GRID2: variants seen among roughly 807,000 people sequenced by gnomAD.
GRID2 encodes the protein glutamate ionotropic receptor delta type subunit 2, also known as glutamate receptor ionotropic, delta-2.
A neutral mutation model predicts 114.8 loss-of-function variants in GRID2; 33 were observed. The ratio of observed to expected loss-of-function variants is 0.29; its 90% CI spans 0.22 to 0.38. The LOEUF (loss-of-function observed/expected upper bound fraction) is 0.38, where lower values mean the gene tolerates loss of function less well. Among genes scored for constraint, GRID2 ranks in the 10% least tolerant of loss-of-function variants. The probability of loss-of-function intolerance (pLI) is 1.00; values close to 1 mark genes in which losing one functional copy is unlikely to be tolerated. For missense variants in GRID2, 1,184 were observed against 1,257.7 expected (o/e 0.94, Z 0.89); for synonymous variants, 505 against 449.9 (o/e 1.12, Z -1.55).
At chr4:93,584,834 A>G (rs1261031548) in intron 13 of GRID2, among the ~76,000 whole-genome samples, 1 of 152,140 alleles carries the variant, frequency 6.6e-6, no homozygotes, top group African/African-American at 2.4e-5. Flanking sequence ...AAATCAGTCA[A>G]AAGGAGCTAA....
chr4:93,128,539 G>A (rs1342350245), intron 4 of GRID2, among the ~76,000 whole-genome samples: 4 of 152,098 alleles, frequency 2.6e-5, no homozygotes, highest in African/African-American at 7.2e-5. Flanking sequence ...TGTTAATGGT[G>A]GTTTAATCTA....
intron 1 of GRID2, among the ~76,000 whole-genome samples, chr4:92,572,783 CT>C (rs1442946687): frequency 1.3e-5 from 2 of 151,868 alleles, no homozygotes; most frequent in Non-Finnish European, 1.5e-5. Flanking sequence ...CTGAAGTTTT[CT>C]TTTTTTCTTG....
At chr4:93,500,976 A>G (rs1728035756) in intron 12 of GRID2, among the ~76,000 whole-genome samples, 1 of 151,940 alleles carries the variant, frequency 6.6e-6, no homozygotes, top group African/African-American at 2.4e-5. Context: ...ATACTATTCT[A>G]CTTGTTTTAC....
intron 2 of GRID2, among the ~76,000 whole-genome samples, chr4:92,921,372 C>A (rs1454470188): frequency 1.3e-5 from 2 of 152,144 alleles, no homozygotes; most frequent in African/African-American, 4.8e-5. Flanking sequence ...CTCCATCCAG[C>A]TTTGTTCCAT....
In GRID2 at chr4:93,752,052, G is replaced by A. The variant is rs566376835; in HGVS notation, c.2361-17158G>A. ...GTGTTTGGACTTATACATTGTTCATGTCAATGTTTGGTTCTAAAAGGAAAA... is the reference window on the plus strand; with the variant it reads ...GTGTTTGGACTTATACATTGTTCATATCAATGTTTGGTTCTAAAAGGAAAA... On this transcript the variant is annotated intron_variant, in intron 14 of 15. Transcript: ENST00000282020. Among the ~76,000 whole-genome samples the A allele has an allele frequency of 1.5e-4, 22 of 151,304 alleles. No homozygotes were observed. The South Asian group carries it at 2.9e-3, about 20-fold the overall frequency.
At chr4:93,330,872 C>T (rs752524) in intron 8 of GRID2, among the ~76,000 whole-genome samples, 3,721 of 152,106 alleles carry the variant, frequency 0.024, 130 homozygotes, top group African/African-American at 0.081. Flanking sequence ...AGGATCCAGA[C>T]AAGGTAGTGA....
Position 93,118,412 on chromosome 4 carries a change from C to A in GRID2, c.735+7459C>A, listed in dbSNP as rs559826269. ...AACAATGATAAGGGACGTTTAAGAC[C>A]AGTTTTTATAGATTTTATGAAACAA... On this transcript the variant is annotated intron_variant, in intron 4 of 15. Transcript: ENST00000282020. 2.0e-5 allele frequency among the ~76,000 whole-genome samples: 3 copies of A among 152,176 alleles called. No homozygotes were observed. In the Middle Eastern group the frequency reaches 0.01, roughly 518 times the overall value.
intron 2 of GRID2, among the ~76,000 whole-genome samples, chr4:93,075,878 C>CCTCT (rs1183095875): frequency 7.8e-6 from 1 of 128,828 alleles, no homozygotes; most frequent in African/African-American, 3.1e-5. Flanking sequence ...GTCGAAGTTA[C>CCTCT]CTCTCTTTTT....
At chr4:93,356,124 A>T (rs1371065729) in intron 8 of GRID2, among the ~76,000 whole-genome samples, 1 of 152,258 alleles carries the variant, frequency 6.6e-6, no homozygotes, top group East Asian at 1.9e-4. Flanking sequence ...CCGTATAAAT[A>T]TAAACTTACC....
intron 14 of GRID2, among the ~76,000 whole-genome samples, chr4:93,760,240 T>C (rs1043211532): frequency 2.6e-5 from 4 of 152,204 alleles, no homozygotes; most frequent in Admixed American, 6.5e-5. Context: ...TGCAGCATCA[T>C]GCATGTGTTT....
intron 2 of GRID2, among the ~76,000 whole-genome samples, chr4:92,909,682 G>A (rs775606559): frequency 9.9e-5 from 15 of 152,070 alleles, no homozygotes; most frequent in East Asian, 3.9e-4. Flanking sequence ...GGAATTCAGA[G>A]CTCCTTGGGA....
intron 4 of GRID2, among the ~76,000 whole-genome samples, chr4:93,175,005 A>C (rs1739216101): frequency 6.6e-6 from 1 of 152,076 alleles, no homozygotes; most frequent in African/African-American, 2.4e-5. Flanking sequence ...TTGCTGGGTG[A>C]TATGGTAAGT....
intron 13 of GRID2, among the ~76,000 whole-genome samples, chr4:93,540,715 A>T (rs934233535): frequency 6.6e-6 from 1 of 152,214 alleles, no homozygotes; most frequent in Non-Finnish European, 1.5e-5. Flanking sequence ...GAGTTTCATG[A>T]TTTACACCTG....
chr4:93,472,240 T>C (rs1724912730), intron 11 of GRID2, among the ~76,000 whole-genome samples: 1 of 151,646 alleles, frequency 6.6e-6, no homozygotes, highest in South Asian at 2.1e-4. Flanking sequence ...AGGAGAATCA[T>C]TGAACCCAGA....
At chr4:93,790,592 G>T (rs1459022735) in intron 1 of GRID2, among the ~76,000 whole-genome samples, 1 of 151,588 alleles carries the variant, frequency 6.6e-6, no homozygotes, top group African/African-American at 2.4e-5. Context: ...CTGTCGCCAG[G>T]CTGCAGTGCA....
intron 13 of GRID2, among the ~76,000 whole-genome samples, chr4:93,565,692 C>T (rs1044137637): frequency 1.8e-4 from 27 of 152,076 alleles, no homozygotes; most frequent in Non-Finnish European, 3.8e-4. Flanking sequence ...TCTTTTTAAG[C>T]AAATAGTTAT....
intron 1 of GRID2, among the ~76,000 whole-genome samples, chr4:93,795,251 A>C (rs1278701626): frequency 6.6e-6 from 1 of 152,048 alleles, no homozygotes; most frequent in Non-Finnish European, 1.5e-5. Flanking sequence ...ATTCAAAACC[A>C]ACAGAAATCT....
In GRID2 at chr4:93,557,770, A is replaced by G. The variant is rs188411803; in HGVS notation, c.2193+42359A>G. Among the ~76,000 whole-genome samples the G allele has an allele frequency of 8.5e-5, 13 of 152,334 alleles. No individual in the cohort carries two copies. In the East Asian group the frequency reaches 2.3e-3, roughly 27 times the overall value. ...TCATCTACAGAACTTTCCACCCCAAATCAACAGAACATACATTCTTCCCAG... is the reference window on the plus strand; with the variant it reads ...TCATCTACAGAACTTTCCACCCCAAGTCAACAGAACATACATTCTTCCCAG... On this transcript the variant is annotated intron_variant, in intron 13 of 15. Transcript: ENST00000282020.
intron 4 of GRID2, among the ~76,000 whole-genome samples, chr4:93,183,376 G>T (rs1016579528): frequency 1.3e-5 from 2 of 152,078 alleles, no homozygotes; most frequent in African/African-American, 4.8e-5. Context: ...CCCCTGTAAA[G>T]ACATAACCAT....
Sources: gnomAD v4.1 joint callset for allele counts (sites outside exome capture counted in the v4.1 genomes callset) on GRCh38, gnomAD v4.1.1 for gene constraint, MANE v1.5 for transcripts, NCBI Gene and HGNC (gene_info 2026-07-23, HGNC 2026-07-21) for gene names.